Variants in CGGBP1 observed in about 807,000 individuals in gnomAD.
The protein encoded by CGGBP1 is CGG triplet repeat-binding protein 1.
Under a neutral mutation model 11.4 loss-of-function variants are expected in CGGBP1, and 4 were observed. The observed-to-expected ratio is 0.35, with a 90% CI of 0.17 to 0.80. CGGBP1 has a LOEUF of 0.80. Ranked by LOEUF, CGGBP1 falls within the 30% of genes least tolerant of loss-of-function variation. CGGBP1 has a pLI of 0.52. For missense variants in CGGBP1, 135 were observed against 202.1 expected (o/e 0.67, Z 2.01); for synonymous variants, 76 against 74.1 (o/e 1.03, Z -0.13).
intron 2 of CGGBP1, chr3:88,129,586 T>C (rs1345719164): frequency 2.3e-5 from 22 of 968,506 alleles, no homozygotes; most frequent in Non-Finnish European, 3.2e-5. Context: ...AGAAGAAAAC[T>C]AGAAATCTAA....
At chr3:88,097,947 T>G (rs1704165383) in intron 2 of CGGBP1, among the ~76,000 whole-genome samples, 1 of 151,634 alleles carries the variant, frequency 6.6e-6, no homozygotes, top group South Asian at 2.1e-4. Flanking sequence ...GCAAACAAAT[T>G]CAAAAGCTAG....
intron 2 of CGGBP1, among the ~76,000 whole-genome samples, chr3:88,094,141 TTTCTC>T (rs1464987422): frequency 2.0e-5 from 3 of 152,114 alleles, no homozygotes; most frequent in Admixed American, 1.3e-4. Context: ...TCTTAATTCT[TTTCTC>T]TTACTAAACT....
intron 2 of CGGBP1, among the ~76,000 whole-genome samples, chr3:88,133,370 A>T (rs1172409432): frequency 6.6e-6 from 1 of 152,156 alleles, no homozygotes. Context: ...ACAATGTGTC[A>T]TTGTGTATAC....
At chr3:88,059,160 T>G, upstream of CGGBP1, 1 of 1,345,062 alleles carries the variant, frequency 7.4e-7, no homozygotes, top group East Asian at 2.6e-5. Context: ...ACTGGGGGCG[T>G]GGGTGGGCGG....
intron 2 of CGGBP1, among the ~76,000 whole-genome samples, chr3:88,083,121 C>T (rs1162570167): frequency 1.3e-5 from 2 of 152,004 alleles, no homozygotes; most frequent in South Asian, 2.1e-4. Context: ...AGGACTTCAC[C>T]TTTATGACCT....
At chr3:88,086,932 G>A (rs1164198506) in intron 2 of CGGBP1, among the ~76,000 whole-genome samples, 14 of 151,924 alleles carry the variant, frequency 9.2e-5, no homozygotes, top group Admixed American at 2.0e-4. Flanking sequence ...ACAGGCGCCC[G>A]CCACCACGCC....
At chr3:88,111,934 C>T (rs1054475732) in intron 2 of CGGBP1, among the ~76,000 whole-genome samples, 1 of 151,854 alleles carries the variant, frequency 6.6e-6, no homozygotes, top group African/African-American at 2.4e-5. Context: ...TATTGGAAAA[C>T]AAATCCACTT....
intron 2 of CGGBP1, among the ~76,000 whole-genome samples, chr3:88,122,448 G>T (rs1576323408): frequency 6.6e-6 from 1 of 152,308 alleles, no homozygotes; most frequent in African/African-American, 2.4e-5. Flanking sequence ...GACACATGTT[G>T]TAGGTGCCTT....
upstream of CGGBP1, chr3:88,059,013 C>T: frequency 2.4e-6 from 1 of 413,836 alleles, no homozygotes; most frequent in Non-Finnish European, 4.3e-6. Context: ...TATGGCAGAG[C>T]CCGTAGGCGG....
chr3:88,123,422 C>T (rs1360716644), intron 2 of CGGBP1, among the ~76,000 whole-genome samples: 3 of 152,054 alleles, frequency 2.0e-5, no homozygotes, highest in Non-Finnish European at 4.4e-5. Flanking sequence ...TGGCAAGAGT[C>T]AAGTATATAA....
chr3:88,106,372 C>T (rs1322788435), intron 2 of CGGBP1, among the ~76,000 whole-genome samples: 3 of 152,146 alleles, frequency 2.0e-5, no homozygotes, highest in Non-Finnish European at 4.4e-5. Flanking sequence ...GAGTCTCACT[C>T]TGTCACCCAG....
At chr3:88,145,662 CAG>C (rs1364569232) in intron 1 of CGGBP1, among the ~76,000 whole-genome samples, 1 of 152,034 alleles carries the variant, frequency 6.6e-6, no homozygotes, top group African/African-American at 2.4e-5. Flanking sequence ...ATTGATAAAA[CAG>C]GGACAGATGT....
At chr3:88,101,790 T>C (rs540071639) in intron 2 of CGGBP1, among the ~76,000 whole-genome samples, 2 of 152,270 alleles carry the variant, frequency 1.3e-5, no homozygotes, top group South Asian at 2.1e-4. Flanking sequence ...CAATTTCTTA[T>C]GGGGGTAGCA....
intron 2 of CGGBP1, among the ~76,000 whole-genome samples, chr3:88,130,046 A>G (rs1385305187): frequency 6.6e-6 from 1 of 152,236 alleles, no homozygotes; most frequent in Non-Finnish European, 1.5e-5. Context: ...GGGATGTGCT[A>G]TAATGAAACA....
At chr3:88,114,955 A>C (rs752213046) in intron 2 of CGGBP1, among the ~76,000 whole-genome samples, 1 of 152,242 alleles carries the variant, frequency 6.6e-6, no homozygotes, top group Non-Finnish European at 1.5e-5. Flanking sequence ...AATATTTTTC[A>C]TAAATTATAC....
At chr3:88,056,151 G>T in intron 3 of CGGBP1, 152 bp from the exon 4 acceptor site, 2 of 578,984 alleles carry the variant, frequency 3.5e-6, no homozygotes, top group Admixed American at 3.5e-5. Flanking sequence ...TAACTTACCT[G>T]AAATATATAA....
At chr3:88,100,953 G>GTTA (rs1291087717) in intron 2 of CGGBP1, among the ~76,000 whole-genome samples, 1 of 152,022 alleles carries the variant, frequency 6.6e-6, no homozygotes, top group Non-Finnish European at 1.5e-5. Context: ...AAAACTTAAA[G>GTTA]TATAATAAAA....
upstream of CGGBP1, among the ~76,000 whole-genome samples, chr3:88,061,051 G>C (rs1486611140): frequency 5.9e-5 from 9 of 151,864 alleles, no homozygotes; most frequent in Admixed American, 2.0e-4. Flanking sequence ...TTTGATAATT[G>C]GCATTCACTG....
At chr3:88,118,131 T>C (rs1705523175) in intron 2 of CGGBP1, among the ~76,000 whole-genome samples, 1 of 152,174 alleles carries the variant, frequency 6.6e-6, no homozygotes, top group African/African-American at 2.4e-5. Context: ...TTAATGAGCC[T>C]GCCCTGACGT....
Sources: allele counts gnomAD v4.1 joint callset (sites outside exome capture counted in the v4.1 genomes callset), GRCh38; gene constraint gnomAD v4.1.1; transcripts MANE v1.5; gene names NCBI Gene and HGNC (gene_info 2026-07-23, HGNC 2026-07-21).